Variants in UBE2D2 observed in about 807,000 individuals in gnomAD.
UBE2D2 encodes ubiquitin conjugating enzyme E2 D2, also known as ubiquitin-conjugating enzyme E2 D2.
A neutral mutation model predicts 24.2 loss-of-function variants in UBE2D2; 2 were observed. The ratio of observed to expected loss-of-function variants is 0.08; its 90% CI spans 0.03 to 0.26. The LOEUF (loss-of-function observed/expected upper bound fraction) is 0.26, where lower values mean the gene tolerates loss of function less well. UBE2D2 is among the 10% of genes least tolerant of loss of function. The pLI is 1.00. For synonymous variants in UBE2D2, 58 were observed against 56.5 expected, an observed-to-expected ratio of 1.03 and a Z score of -0.12; for missense variants, 44 against 177.6, an observed-to-expected ratio of 0.25 and a Z score of 4.28.
At chr5:139,549,704 G>C (rs1470343188) in intron 1 of UBE2D2, among the ~76,000 whole-genome samples, 1 of 152,222 alleles carries the variant, frequency 6.6e-6, no homozygotes, top group Non-Finnish European at 1.5e-5. Flanking sequence ...CCATCCCATC[G>C]ACCGCCCAAG....
intron 1 of UBE2D2, among the ~76,000 whole-genome samples, chr5:139,569,062 T>G (rs1753300703): frequency 6.6e-6 from 1 of 152,200 alleles, no homozygotes; most frequent in South Asian, 2.1e-4. Context: ...ATCAAAATGA[T>G]GAATTAACAG....
At chr5:139,556,128 C>G (rs570600586) in intron 1 of UBE2D2, among the ~76,000 whole-genome samples, 3 of 148,830 alleles carry the variant, frequency 2.0e-5, no homozygotes, top group African/African-American at 7.5e-5. Context: ...CCCAGCTACT[C>G]GGGAGGCTGA....
At chr5:139,605,591 C>CAAAAAAAA (rs70988710) in intron 2 of UBE2D2, among the ~76,000 whole-genome samples, 90 of 44,678 alleles carry the variant, frequency 2.0e-3, no homozygotes, top group Middle Eastern at 0.033. Context: ...GACTCTGTCT[C>CAAAAAAAA]AAAAAAAAAA....
chr5:139,536,905 C>G (rs565889202), intron 1 of UBE2D2, among the ~76,000 whole-genome samples: 31 of 152,192 alleles, frequency 2.0e-4, no homozygotes, highest in South Asian at 6.2e-4. Flanking sequence ...CCAGGCTGGA[C>G]GAGGTGACTC....
intron 1 of UBE2D2, among the ~76,000 whole-genome samples, chr5:139,583,131 C>T (rs1260867002): frequency 6.6e-6 from 1 of 151,880 alleles, no homozygotes; most frequent in African/African-American, 2.4e-5. Context: ...TGTGCCACCA[C>T]ACCCGGGTAA....
intron 1 of UBE2D2, among the ~76,000 whole-genome samples, chr5:139,533,883 A>G (rs1219600488): frequency 6.7e-6 from 1 of 149,796 alleles, no homozygotes; most frequent in East Asian, 2.1e-4. Flanking sequence ...CCCGGGTTCA[A>G]GCGATTCTCC....
At chr5:139,561,039 T>C (rs1445952593), upstream of UBE2D2, 1 of 152,628 alleles carries the variant, frequency 6.6e-6, no homozygotes. Flanking sequence ...CTGGACAACA[T>C]TCGCCTTTTA....
chr5:139,560,680 A>G (rs1753056529), upstream of UBE2D2, among the ~76,000 whole-genome samples: 1 of 152,182 alleles, frequency 6.6e-6, no homozygotes, highest in South Asian at 2.1e-4. Context: ...TTTCTGACGC[A>G]GCTGGTACAG....
At chr5:139,589,821 G>C (rs1753806049) in intron 1 of UBE2D2, among the ~76,000 whole-genome samples, 1 of 151,964 alleles carries the variant, frequency 6.6e-6, no homozygotes, top group South Asian at 2.1e-4. Context: ...GTCTTGCTCC[G>C]TCGCCCAGGC....
At chr5:139,566,207 C>G (rs985235224) in intron 1 of UBE2D2, among the ~76,000 whole-genome samples, 2 of 151,896 alleles carry the variant, frequency 1.3e-5, no homozygotes, top group African/African-American at 4.8e-5. Flanking sequence ...TTAATAGAGA[C>G]AGGGTTTCTC....
upstream of UBE2D2, among the ~76,000 whole-genome samples, chr5:139,557,518 C>T (rs1250621369): frequency 3.9e-5 from 6 of 152,064 alleles, no homozygotes; most frequent in African/African-American, 9.7e-5. Flanking sequence ...GAGGCCGAGG[C>T]GGGCAGATCA....
chr5:139,564,390 G>T (rs1490460586), intron 1 of UBE2D2, among the ~76,000 whole-genome samples: 1 of 151,656 alleles, frequency 6.6e-6, no homozygotes, highest in Non-Finnish European at 1.5e-5. Flanking sequence ...CTGACCTCCG[G>T]TGATCCACCT....
intron 1 of UBE2D2, among the ~76,000 whole-genome samples, chr5:139,535,681 C>T (rs915250357): frequency 1.3e-5 from 2 of 152,252 alleles, no homozygotes; most frequent in South Asian, 4.1e-4. Flanking sequence ...ATATGGAAGG[C>T]TATGCCCCTA....
intron 1 of UBE2D2, among the ~76,000 whole-genome samples, chr5:139,578,688 A>G (rs1753535046): frequency 6.6e-6 from 1 of 152,054 alleles, no homozygotes; most frequent in Admixed American, 6.6e-5. Context: ...CCTGTATTCA[A>G]GTGATCCTCC....
intron 1 of UBE2D2, among the ~76,000 whole-genome samples, chr5:139,574,267 T>G (rs545310636): frequency 1.5e-5 from 2 of 133,364 alleles, no homozygotes; most frequent in African/African-American, 5.8e-5. Context: ...GCAACGAGAG[T>G]GAAACTCTGT....
intron 1 of UBE2D2, among the ~76,000 whole-genome samples, chr5:139,582,991 T>G (rs971534451): frequency 4.1e-5 from 6 of 148,104 alleles, no homozygotes; most frequent in African/African-American, 1.5e-4. Context: ...TTTTTTTTTT[T>G]GAAGACGGCG....
intron 1 of UBE2D2, among the ~76,000 whole-genome samples, chr5:139,593,195 C>T (rs1234514207): frequency 6.6e-6 from 1 of 151,024 alleles, no homozygotes; most frequent in Admixed American, 6.6e-5. Flanking sequence ...AGGGTTTCAC[C>T]ACGTTGGGCA....
intron 1 of UBE2D2, among the ~76,000 whole-genome samples, chr5:139,548,469 A>G (rs556466607): frequency 1.3e-5 from 2 of 152,118 alleles, no homozygotes; most frequent in South Asian, 2.1e-4. Context: ...CCCAGCCACA[A>G]GATCACAGGA....
intron 2 of UBE2D2, 43 bp downstream of exon 2, chr5:139,600,478 G>T (rs753080771): frequency 1.3e-6 from 2 of 1,596,858 alleles, no homozygotes; most frequent in East Asian, 2.2e-5. Flanking sequence ...CATAACAGTG[G>T]TTATTTTGTG....
Sources: allele counts gnomAD v4.1 joint callset (sites outside exome capture counted in the v4.1 genomes callset), GRCh38; gene constraint gnomAD v4.1.1; transcripts MANE v1.5; gene names NCBI Gene and HGNC (gene_info 2026-07-23, HGNC 2026-07-21).